The following SYNC variants were observed in gnomAD, a reference collection of about 807,000 sequenced individuals.
SYNC encodes syncoilin.
In SYNC, 38 loss-of-function variants were observed where a neutral mutation model predicts 49.5. The observed-to-expected ratio is 0.77, with a 90% CI of 0.59 to 1.01. The LOEUF (loss-of-function observed/expected upper bound fraction) is 1.01, where lower values mean the gene tolerates loss of function less well. Among genes scored for constraint, SYNC ranks in the 50% least tolerant of loss-of-function variants. The pLI, the probability that SYNC is intolerant of heterozygous loss-of-function variation, is 0.00. For missense variants in SYNC, 579 were observed against 580.6 expected (o/e 1.00, Z 0.03); for synonymous variants, 201 against 230.8 (o/e 0.87, Z 1.17).
intron 1 of SYNC, among the ~76,000 whole-genome samples, chr1:32,697,230 T>C (rs981262242): frequency 2.0e-5 from 3 of 150,876 alleles, no homozygotes; most frequent in African/African-American, 7.3e-5. Flanking sequence ...TCACCTGAGG[T>C]CGGGAGTTCA....
Position 32,695,780 on chromosome 1 carries a change from T to A in SYNC, c.318A>T (p.Thr106=). ...HVEEPGNPEE[T]VCVEETTEPD... ...GCTCCGTGGTTTCCTCCACACACACTGTCTCCTCTGGATTCCCAGGCTCCT... is the reference window on the plus strand; with the variant it reads ...GCTCCGTGGTTTCCTCCACACACACAGTCTCCTCTGGATTCCCAGGCTCCT... The change falls in exon 2 of 5, where the codon ACA becomes ACT. Residue 106 remains threonine (T), a synonymous_variant. Transcript: ENST00000409190. 6.4e-7 allele frequency: 1 copy of A among 1,551,516 alleles called. No individual in the cohort carries two copies. The highest frequency in any genetic ancestry group is 2.0e-5 in the Admixed American group (1 of 50,952).
intron 2 of SYNC, among the ~76,000 whole-genome samples, chr1:32,687,915 T>C (rs1266902402): frequency 1.3e-5 from 2 of 150,242 alleles, no homozygotes; most frequent in African/African-American, 2.4e-5. Context: ...GCTGGCACCA[T>C]CTTGGCTCAC....
At chr1:32,699,932 C>T (rs900901458) in intron 1 of SYNC, among the ~76,000 whole-genome samples, 1 of 151,842 alleles carries the variant, frequency 6.6e-6, no homozygotes, top group African/African-American at 2.4e-5. Context: ...CAGGGTTTCA[C>T]CATCTTGGTC....
intron 2 of SYNC, 111 bp from the exon 3 acceptor site, chr1:32,684,493 A>G: frequency 2.0e-6 from 3 of 1,473,142 alleles, no homozygotes; most frequent in South Asian, 1.3e-5. Flanking sequence ...TGATAGCAGT[A>G]TTGAGGCTGG....
chr1:32,702,712 G>T lies in SYNC; in HGVS notation c.-52C>A. On this transcript the variant is annotated 5_prime_UTR_variant, in exon 1 of 5. Transcript: ENST00000409190. The surrounding 1 kb of genome is among the most constrained non-coding windows in gnomAD (Gnocchi z 6.2). ...GCGTTATTAATAGCCGGGCCCGCGGGCCCCTCGCTCCGGCGCCCGCGCCCG... is the reference window on the plus strand; with the variant it reads ...GCGTTATTAATAGCCGGGCCCGCGGTCCCCTCGCTCCGGCGCCCGCGCCCG... 8.9e-7 allele frequency: 1 copy of T among 1,125,162 alleles called. No individual in the cohort carries two copies. The highest frequency in any genetic ancestry group is 1.1e-6 in the Non-Finnish European group (1 of 920,062). The allele number at this position is 1,125,162 out of a possible 1,614,324, so 69.7% of individuals were successfully genotyped here.
chr1:32,686,962 C>T (rs1399204044), intron 2 of SYNC, among the ~76,000 whole-genome samples: 15 of 152,132 alleles, frequency 9.9e-5, no homozygotes, highest in Admixed American at 7.9e-4. Flanking sequence ...AGAATAACTC[C>T]GCTTTTAACT....
chr1:32,702,867 T>G, upstream of SYNC: 2 of 202,590 alleles, frequency 9.9e-6, no homozygotes, highest in African/African-American at 2.4e-5. The surrounding 1 kb of genome is among the most constrained non-coding windows in gnomAD (Gnocchi z 6.2). Context: ...AGGCTGCCCC[T>G]CCCGGACCAG....
At chr1:32,698,861 GCC>G (rs1650554396) in intron 1 of SYNC, among the ~76,000 whole-genome samples, 2 of 148,816 alleles carry the variant, frequency 1.3e-5, no homozygotes, top group African/African-American at 4.9e-5. Context: ...GCTCACTGCA[GCC>G]TCAACCTCCC....
At chr1:32,684,115 A>G in intron 3 of SYNC, 26 bp from the exon 4 acceptor site, 1 of 1,612,238 alleles carries the variant, frequency 6.2e-7, no homozygotes, top group Non-Finnish European at 8.5e-7. Flanking sequence ...GCCATTTTCC[A>G]TGTGTTTTTG....
intron 1 of SYNC, among the ~76,000 whole-genome samples, chr1:32,699,153 CTT>C (rs61577689): frequency 2.7e-4 from 28 of 104,040 alleles, no homozygotes; most frequent in African/African-American, 8.8e-4. Context: ...CTTTTCTTTT[CTT>C]TTTTTTTTTT....
chr1:32,680,683 A>C lies in SYNC; in HGVS notation c.*1167T>G. The C allele has an allele frequency of 1.3e-6, 1 of 768,014 alleles. No individual in the cohort carries two copies. Among genetic ancestry groups the C allele is most frequent in the Non-Finnish European group, 2.0e-6 (1 of 488,046 alleles). The allele number at this position is 768,014 out of a possible 1,614,324, so 47.6% of individuals were successfully genotyped here. On this transcript the variant is annotated 3_prime_UTR_variant, in exon 5 of 5. Transcript: ENST00000409190. ...ATGCTGATGGGTTTTATTTAGTATA[A>C]AACATCCATCAAACACCAGTCTCTG...
intron 2 of SYNC, among the ~76,000 whole-genome samples, chr1:32,690,382 ACTT>A (rs1650100737): frequency 6.6e-6 from 1 of 152,032 alleles, no homozygotes; most frequent in Non-Finnish European, 1.5e-5. Flanking sequence ...TGCCACCAGT[ACTT>A]CTTGTAATCC....
intron 2 of SYNC, among the ~76,000 whole-genome samples, chr1:32,689,550 G>C (rs1650058172): frequency 6.6e-6 from 1 of 151,984 alleles, no homozygotes; most frequent in African/African-American, 2.4e-5. Flanking sequence ...CTGGCCCACA[G>C]TAATTAGGCA....
At position 32,684,053 on chromosome 1, in the gene SYNC, A is replaced by T; in HGVS notation, c.1395T>A (p.Asp465Glu). 6.2e-7 allele frequency: 1 copy of T among 1,614,258 alleles called. No homozygotes were observed. Among genetic ancestry groups the T allele is most frequent in the Non-Finnish European group, 8.5e-7 (1 of 1,180,040 alleles). Residue 465 changes from aspartate (D) to glutamate (E), a missense_variant, in exon 4 of 5, where the codon GAT (aspartate) becomes GAA (glutamate). Coordinates refer to ENST00000409190, the MANE Select transcript of SYNC (RefSeq NM_030786.3). ...TTCCACCTGCCTGAGAAGTGGGAGC[A>T]TCAGCCTGTTCCAGGCTCTTGGGTA... ...MLLPKSLEQA[D>E]APTSQAGGME... is the part of the protein sequence containing the mutation.
intron 1 of SYNC, among the ~76,000 whole-genome samples, chr1:32,700,567 T>C (rs786300): frequency 0.98 from 149,446 of 152,188 alleles, 73,438 homozygotes; most frequent in South Asian, 1. Context: ...TATGGTGGTG[T>C]GTGCCTGTAA....
At chr1:32,703,128 C>T (rs1650735853), upstream of SYNC, 1 of 152,120 alleles carries the variant, frequency 6.6e-6, no homozygotes, top group Admixed American at 6.6e-5. Flanking sequence ...CGCTGCCGCT[C>T]AGCGCCCTCT....
chr1:32,680,595 T>TA lies in SYNC; in HGVS notation c.*1254dup, dbSNP rs1464488807. 2.8e-6 allele frequency: 4 copies of TA among 1,419,004 alleles called. No homozygotes were observed. The highest frequency in any genetic ancestry group is 5.0e-5 in the East Asian group (2 of 40,098). 87.9% of individuals were successfully genotyped at this position (1,419,004 alleles called of 1,614,324 possible). Reference sequence around the variant, plus strand: ...TGACCTGTTTCACCAGCAGGCCTGTTACTCTCCATGACTAACTGTGTAAGT... The same window carrying TA: ...TGACCTGTTTCACCAGCAGGCCTGTTAACTCTCCATGACTAACTGTGTAAGT... On this transcript the variant is annotated 3_prime_UTR_variant, in exon 5 of 5. Coordinates refer to ENST00000409190, the MANE Select transcript of SYNC (RefSeq NM_030786.3).
intron 2 of SYNC, among the ~76,000 whole-genome samples, chr1:32,687,487 G>A (rs1310912386): frequency 1.3e-5 from 2 of 151,624 alleles, no homozygotes; most frequent in East Asian, 1.9e-4. Context: ...CCCGGCCAAC[G>A]TGGTGAAACC....
chr1:32,682,215 C>T (rs1649486154), intron 4 of SYNC: 1 of 231,172 alleles, frequency 4.3e-6, no homozygotes, highest in African/African-American at 2.3e-5. Flanking sequence ...TATAATTTCT[C>T]AAACATTAAG....
Sources: gnomAD v4.1 joint callset for allele counts (sites outside exome capture counted in the v4.1 genomes callset) on GRCh38, gnomAD v4.1.1 for gene constraint, Gnocchi (gnomAD v3.1) non-coding constraint, MANE v1.5 for transcripts, NCBI Gene and HGNC (gene_info 2026-07-23, HGNC 2026-07-21) for gene names.